Variants in GALNS observed in about 807,000 individuals in gnomAD.
GALNS encodes the protein N-acetylgalactosamine-6-sulfatase.
In GALNS, 65 loss-of-function variants were observed where a neutral mutation model predicts 65.9. The ratio of observed to expected loss-of-function variants is 0.99; its 90% CI spans 0.81 to 1.21. GALNS has a LOEUF of 1.21. Among genes scored for constraint, GALNS ranks in the 50% most tolerant of loss-of-function variants. The pLI is 0.00. For synonymous variants in GALNS, 346 were observed against 288.9 expected (o/e 1.20, Z -2.00); for missense variants, 776 against 700.7 (o/e 1.11, Z -1.21).
chr16:88,816,437 C>A, intron 13 of GALNS: 1 of 985,426 alleles, frequency 1.0e-6, no homozygotes, highest in Non-Finnish European at 1.2e-6. Flanking sequence ...CCACTGAGTC[C>A]AGAGGCGGGG....
intron 4 of GALNS, chr16:88,840,630 G>A (rs1350703548): frequency 8.1e-6 from 3 of 371,978 alleles, no homozygotes; most frequent in East Asian, 6.7e-5. Context: ...CAGCTCCTCC[G>A]CCACAGCTCC....
At position 88,824,755 on chromosome 16, in the gene GALNS, C is replaced by T. The variant is rs753509414; in HGVS notation, c.1242+12G>A. 27 of 1,611,310 alleles carry T rather than the reference C, an allele frequency of 1.7e-5. No homozygotes were observed. The highest frequency in any genetic ancestry group is 3.3e-4 in the Middle Eastern group (2 of 6,038). ...GGCAGCTCCGCCTGCGCCCACGTCC[C>T]GAGCCCTGTACCTGTCTGAAGTTCT... On this transcript the variant is annotated intron_variant, in intron 11 of 13. Coordinates refer to ENST00000268695, the MANE Select transcript of GALNS (RefSeq NM_000512.5).
intron 13 of GALNS, chr16:88,816,094 C>A (rs913680499): frequency 1.3e-4 from 130 of 985,312 alleles, no homozygotes; most frequent in Non-Finnish European, 1.5e-4. Flanking sequence ...CCCTCAGACC[C>A]CAGTGGCTCA....
rs1022060389 is a variant in GALNS at position 88,832,529 on chromosome 16, G to A, written c.899-428C>T. Among the ~76,000 whole-genome samples the A allele has an allele frequency of 7.2e-5, 11 of 152,272 alleles. No individual in the cohort carries two copies. The South Asian group carries it at 8.3e-4, about 11-fold the overall frequency. On this transcript the variant is annotated intron_variant, in intron 8 of 13. Transcript: ENST00000268695. The stretch of plus-strand genomic sequence containing the variant: ...CTGACTCAGTCAGTCACGGTGGGGC[G>A]TAGGAATCTGTGTTTCTGACAAGCC...
chr16:88,846,956 G>A (rs942134055), intron 1 of GALNS, among the ~76,000 whole-genome samples: 4 of 152,122 alleles, frequency 2.6e-5, no homozygotes, highest in African/African-American at 9.7e-5. Flanking sequence ...AGTGTGAACA[G>A]ACATTCACGA....
chr16:88,829,817 C>G (rs538331466), intron 9 of GALNS, among the ~76,000 whole-genome samples: 1 of 152,312 alleles, frequency 6.6e-6, no homozygotes, highest in South Asian at 2.1e-4. Flanking sequence ...TTCAGGCGCG[C>G]GACCAGGCCA....
intron 1 of GALNS, chr16:88,855,482 G>A (rs748086643): frequency 2.8e-5 from 20 of 702,676 alleles, no homozygotes; most frequent in Non-Finnish European, 4.4e-5. Flanking sequence ...GTCAGGACAC[G>A]GACCCCTGGG....
chr16:88,825,342 G>A, intron 10 of GALNS, among the ~76,000 whole-genome samples: 1 of 137,610 alleles, frequency 7.3e-6, no homozygotes, highest in Admixed American at 7.1e-5. Context: ...TGGGTGTCTG[G>A]GGCTGGGGTG....
At position 88,841,826 on chromosome 16, in the gene GALNS, G is replaced by A. The variant is rs576842305; in HGVS notation, c.319+71C>T. 3.1e-5 allele frequency: 43 copies of A among 1,386,552 alleles called. No homozygotes were observed. The African/African-American group carries it at 4.3e-4, about 14-fold the overall frequency. 85.9% of individuals were successfully genotyped at this position (1,386,552 alleles called of 1,614,324 possible). On this transcript the variant is annotated intron_variant, in intron 3 of 13. Transcript: ENST00000268695. ...CTTGCCACCCGAGTCCCGGAGACAC[G>A]GGCACCACCCGTAGCCCACCTGCCC...
At chr16:88,820,421 G>A (rs1409252733) in intron 12 of GALNS, among the ~76,000 whole-genome samples, 2 of 152,204 alleles carry the variant, frequency 1.3e-5, no homozygotes, top group African/African-American at 4.8e-5. Context: ...GAACCATGGC[G>A]ACCGGCCACC....
chr16:88,816,887 G>A, intron 13 of GALNS: 2 of 985,454 alleles, frequency 2.0e-6, no homozygotes, highest in Non-Finnish European at 2.4e-6. Flanking sequence ...AGATCCAGGG[G>A]CTGTGGGCAG....
At position 88,840,895 on chromosome 16, in the gene GALNS, C is replaced by A. The variant is rs532697325; in HGVS notation, c.422+97G>T. Reference sequence around the variant, plus strand: ...CAGCTGCCGTTTCCCACCCAAGACACCCTCCTCATTTGGAAACTTGTGGCC... The same window carrying A: ...CAGCTGCCGTTTCCCACCCAAGACAACCTCCTCATTTGGAAACTTGTGGCC... On this transcript the variant is annotated intron_variant, in intron 4 of 13. Coordinates refer to ENST00000268695, the MANE Select transcript of GALNS (RefSeq NM_000512.5). The A allele has an allele frequency of 4.2e-5, 40 of 952,042 alleles. No individual in the cohort carries two copies. In the East Asian group the frequency reaches 8.9e-4, roughly 21 times the overall value. The allele number at this position is 952,042 out of a possible 1,614,324, so 59.0% of individuals were successfully genotyped here.
At chr16:88,855,661 A>C (rs1315987735) in intron 1 of GALNS, 1 of 600,526 alleles carries the variant, frequency 1.7e-6, no homozygotes, top group South Asian at 2.0e-5. Context: ...TAATTTAATA[A>C]AATTGTTAAG....
At chr16:88,817,553 C>G (rs1021589528) in intron 13 of GALNS, 2 of 981,900 alleles carry the variant, frequency 2.0e-6, no homozygotes, top group African/African-American at 3.5e-5. Context: ...CGGGACCCAC[C>G]GGGCAGTGCC....
At position 88,843,376 on chromosome 16, in the gene GALNS, C is replaced by A. The variant is rs1489598724; in HGVS notation, c.121-547G>T. ...AAACTTACGTCCACACGCAGGCCTG[C>A]ATACGAGCGTCCAGGGCAGCACGAC... is the stretch of plus-strand genomic sequence containing the variant. On this transcript the variant is annotated intron_variant, in intron 1 of 13. Coordinates refer to ENST00000268695, the MANE Select transcript of GALNS (RefSeq NM_000512.5). 1.7e-5 allele frequency: 8 copies of A among 458,068 alleles called. No homozygotes were observed. In the Admixed American group the frequency reaches 2.7e-4, roughly 15 times the overall value. The allele number at this position is 458,068 out of a possible 1,614,324, so 28.4% of individuals were successfully genotyped here.
intron 13 of GALNS, 104 bp from the exon 14 acceptor site, chr16:88,814,629 T>G (rs1471401689): frequency 1.3e-6 from 2 of 1,530,850 alleles, no homozygotes; most frequent in African/African-American, 2.8e-5. Flanking sequence ...AGTCTCACTC[T>G]GTCACCCAGG....
intron 9 of GALNS, among the ~76,000 whole-genome samples, chr16:88,828,517 C>T (rs889716574): frequency 6.6e-6 from 1 of 152,264 alleles, no homozygotes; most frequent in South Asian, 2.1e-4. Context: ...GGCGCTTTCA[C>T]TGAAACCCCG....
chr16:88,833,077 CAAAAAAAAAAAAAA>C (rs869226834), intron 8 of GALNS, among the ~76,000 whole-genome samples: 3 of 74,656 alleles, frequency 4.0e-5, no homozygotes, highest in African/African-American at 1.1e-4. Flanking sequence ...GACTCCTTCT[CAAAAAAAAAAAAAA>C]AAAAAAAAAG....
chr16:88,828,095 C>G (rs1268007051), intron 9 of GALNS, among the ~76,000 whole-genome samples: 1 of 152,236 alleles, frequency 6.6e-6, no homozygotes. Context: ...CAGCGTTTGC[C>G]AGGAAAGTTC....
Sources: gnomAD v4.1 joint callset for allele counts (sites outside exome capture counted in the v4.1 genomes callset) on GRCh38, gnomAD v4.1.1 for gene constraint, MANE v1.5 for transcripts, NCBI Gene and HGNC (gene_info 2026-07-23, HGNC 2026-07-21) for gene names.